Variants in DENND1A observed in about 807,000 individuals in gnomAD.
DENND1A encodes the protein DENN domain containing 1A, also known as DENN domain-containing protein 1A.
In DENND1A, 51 loss-of-function variants were observed where a neutral mutation model predicts 113.7. The ratio of observed to expected loss-of-function variants is 0.45; its 90% CI spans 0.36 to 0.57. The LOEUF is 0.57. DENND1A is among the 20% of genes least tolerant of loss of function. DENND1A has a pLI of 0.00. For missense variants in DENND1A, 1,258 were observed against 1,395.9 expected (o/e 0.90, Z 1.57); for synonymous variants, 565 against 570.8 (o/e 0.99, Z 0.14).
chr9:123,455,784 TAAC>T (rs775476278), intron 15 of DENND1A, among the ~76,000 whole-genome samples: 1 of 152,220 alleles, frequency 6.6e-6, no homozygotes, highest in Non-Finnish European at 1.5e-5. Flanking sequence ...GAGCTCAGTT[TAAC>T]AACACCTAAA....
chr9:123,401,744 A>G, intron 21 of DENND1A: 1 of 1,609,382 alleles, frequency 6.2e-7, no homozygotes, highest in Non-Finnish European at 8.5e-7. Context: ...ATTATCAGAC[A>G]CCGGCTCTTT....
rs977397647 is a variant in DENND1A, at chr9:123,728,038, G to A, written c.302+29665C>T. ...GGAGAATGGCATGAACCCAGAAGGC[G>A]GAGCTTGCAGTGAGCCAAGATCGCA... On this transcript the variant is annotated intron_variant, in intron 5 of 23. Transcript: ENST00000394215. Among the ~76,000 whole-genome samples, 52 of 150,796 alleles carry A rather than the reference G, an allele frequency of 3.4e-4. 1 individual carries two copies. Among genetic ancestry groups the A allele is most frequent in the Non-Finnish European group, 5.5e-4 (37 of 67,624 alleles).
chr9:123,923,910 A>T (rs966165043), intron 1 of DENND1A, among the ~76,000 whole-genome samples: 2 of 152,252 alleles, frequency 1.3e-5, no homozygotes, highest in African/African-American at 2.4e-5. Context: ...TTACCAAAAG[A>T]TCCAGCAATT....
intron 1 of DENND1A, among the ~76,000 whole-genome samples, chr9:123,916,371 C>CTTT (rs545019678): frequency 0.032 from 4,068 of 126,566 alleles, 103 homozygotes; most frequent in Non-Finnish European, 0.043. Flanking sequence ...TACGTATTTG[C>CTTT]TTTTTTTTTT....
chr9:123,823,751 G>A (rs1438153866), intron 2 of DENND1A, among the ~76,000 whole-genome samples: 1 of 152,182 alleles, frequency 6.6e-6, no homozygotes, highest in Non-Finnish European at 1.5e-5. Flanking sequence ...CGTGGGAGCA[G>A]AAGGAAGTCA....
At chr9:123,589,218 G>A (rs1363924378) in intron 11 of DENND1A, among the ~76,000 whole-genome samples, 1 of 152,080 alleles carries the variant, frequency 6.6e-6, no homozygotes, top group African/African-American at 2.4e-5. Context: ...TTTGTGGGAT[G>A]TTATTTCCAG....
chr9:123,847,010 TTTG>T (rs1842715458), intron 2 of DENND1A, among the ~76,000 whole-genome samples: 2 of 151,356 alleles, frequency 1.3e-5, no homozygotes, highest in African/African-American at 2.4e-5. Context: ...GGGTTTTTTG[TTTG>T]TTTTCATTTT....
At chr9:123,507,552 A>G (rs906486577) in intron 13 of DENND1A, among the ~76,000 whole-genome samples, 21 of 152,138 alleles carry the variant, frequency 1.4e-4, no homozygotes, top group Admixed American at 1.1e-3. Flanking sequence ...AAATTTTAAC[A>G]TAAGAATTAC....
chr9:123,395,719 G>A lies in DENND1A; in HGVS notation c.1631+7683C>T, dbSNP rs191103216. On this transcript the variant is annotated intron_variant, in intron 21 of 23. Transcript: ENST00000394215. ...CTGAGCACAGTTCCTGGCTCTTAGA[G>A]GGCTGGGGATGCACTGGCAGCTTCA... Among the ~76,000 whole-genome samples the A allele has an allele frequency of 2.1e-3, 317 of 152,268 alleles. 3 individuals carry two copies. Among genetic ancestry groups the A allele is most frequent in the South Asian group, 5.0e-3 (24 of 4,828 alleles).
intron 5 of DENND1A, among the ~76,000 whole-genome samples, chr9:123,750,225 G>T (rs1489883895): frequency 1.3e-5 from 2 of 152,176 alleles, no homozygotes; most frequent in Non-Finnish European, 2.9e-5. Flanking sequence ...CTCTTCAAAG[G>T]TGATTTTCTT....
chr9:123,761,802 A>T (rs990124386), intron 4 of DENND1A, among the ~76,000 whole-genome samples: 2 of 152,114 alleles, frequency 1.3e-5, no homozygotes, highest in Non-Finnish European at 2.9e-5. Context: ...GGAATTTATC[A>T]TTCTCTCTCT....
In DENND1A at chr9:123,420,356, C is replaced by T. The variant is rs139607861; in HGVS notation, c.1489-8527G>A. On this transcript the variant is annotated intron_variant, in intron 19 of 23. Coordinates refer to ENST00000394215, the MANE Select transcript of DENND1A (RefSeq NM_001352964.2). ...AGGTCGGGCTGGGCTTCACTCTGAA[C>T]GGCAGACTCCACAGTGAGGTTTCTG... Among the ~76,000 whole-genome samples the T allele has an allele frequency of 2.0e-3, 303 of 152,310 alleles. 2 individuals carry two copies. The highest frequency in any genetic ancestry group is 0.014 in the Middle Eastern group (4 of 294).
At position 123,513,081 on chromosome 9, in the gene DENND1A, C is replaced by T. The variant is rs541642539; in HGVS notation, c.993+44489G>A. On this transcript the variant is annotated intron_variant, in intron 13 of 23. Coordinates refer to ENST00000394215, the MANE Select transcript of DENND1A (RefSeq NM_001352964.2). ...GTGGATCGTTCAAGTTGATTACTAC[C>T]GAAATGTCATTCAAGGCCTGTTTAC... is the stretch of plus-strand genomic sequence containing the variant. Among the ~76,000 whole-genome samples the T allele has an allele frequency of 6.6e-5, 10 of 152,326 alleles. No individual in the cohort carries two copies. The South Asian group carries it at 2.1e-3, about 32-fold the overall frequency.
chr9:123,900,815 GCTCTGTGACCTTGTGCAACTGGAAACCT>G (rs2133881047), intron 1 of DENND1A, among the ~76,000 whole-genome samples: 1 of 152,274 alleles, frequency 6.6e-6, no homozygotes, highest in African/African-American at 2.4e-5. Context: ...ACACTTGATA[GCTCTGTGACCTTGTGCAACTGGAAACCT>G]CTCTGTGACT....
At chr9:123,630,713 AT>A (rs926232183) in intron 9 of DENND1A, among the ~76,000 whole-genome samples, 7 of 152,198 alleles carry the variant, frequency 4.6e-5, no homozygotes, top group Admixed American at 3.9e-4. Context: ...AATTTTTAAA[AT>A]GGTGAAAGGG....
chr9:123,495,141 T>TCCTCTCTCTCTC, intron 13 of DENND1A, among the ~76,000 whole-genome samples: 1 of 140,646 alleles, frequency 7.1e-6, no homozygotes, highest in South Asian at 2.3e-4. Flanking sequence ...CATTGTCTCT[T>TCCTCTCTCTCTC]TCTCTCTCTC....
chr9:123,578,914 G>A (rs1022770114), intron 12 of DENND1A, among the ~76,000 whole-genome samples: 1 of 152,144 alleles, frequency 6.6e-6, no homozygotes, highest in East Asian at 1.9e-4. Context: ...TGAAGAATGA[G>A]TGAGAGATTA....
At chr9:123,678,931 C>T (rs765664295) in intron 5 of DENND1A, among the ~76,000 whole-genome samples, 21 of 152,136 alleles carry the variant, frequency 1.4e-4, no homozygotes, top group African/African-American at 4.3e-4. Context: ...AAACCTCGGC[C>T]GAGTTAAAAG....
chr9:123,904,673 G>T (rs1852417987), intron 1 of DENND1A, among the ~76,000 whole-genome samples: 1 of 150,610 alleles, frequency 6.6e-6, no homozygotes, highest in Non-Finnish European at 1.5e-5. Context: ...AGAATAAAAA[G>T]AAATGAGCAA....
Sources: gnomAD v4.1 joint callset for allele counts (sites outside exome capture counted in the v4.1 genomes callset) on GRCh38, gnomAD v4.1.1 for gene constraint, MANE v1.5 for transcripts, NCBI Gene and HGNC (gene_info 2026-07-23, HGNC 2026-07-21) for gene names.